The following LMBR1 variants were observed in gnomAD, a reference collection of about 807,000 sequenced individuals.
The protein encoded by LMBR1 is limb region 1 protein homolog.
LMBR1 carries 52 observed loss-of-function variants against 73.9 expected under a neutral mutation model. That is an observed-to-expected ratio of 0.70 (90% confidence interval 0.56 to 0.89). The LOEUF is 0.89. Among genes scored for constraint, LMBR1 ranks in the 40% least tolerant of loss-of-function variants. The pLI, the probability that LMBR1 is intolerant of heterozygous loss-of-function variation, is 0.00. For synonymous variants in LMBR1, 215 were observed against 209.4 expected (o/e 1.03, Z -0.23); for missense variants, 539 against 579.8 (o/e 0.93, Z 0.72).
At chr7:156,847,698 A>G (rs1039076126) in intron 1 of LMBR1, among the ~76,000 whole-genome samples, 1 of 152,230 alleles carries the variant, frequency 6.6e-6, no homozygotes, top group African/African-American at 2.4e-5. Context: ...AACACAAAGT[A>G]AAACAACAAG....
At chr7:156,757,293 A>G (rs980202755) in intron 8 of LMBR1, among the ~76,000 whole-genome samples, 7 of 152,256 alleles carry the variant, frequency 4.6e-5, no homozygotes, top group Admixed American at 3.9e-4. Context: ...AAACTACATC[A>G]GTAACATGCA....
intron 9 of LMBR1, among the ~76,000 whole-genome samples, chr7:156,746,212 T>C (rs544064314): frequency 6.6e-6 from 1 of 152,360 alleles, no homozygotes; most frequent in East Asian, 1.9e-4. Flanking sequence ...CTGTAATTAA[T>C]GCTCATTTAA....
chr7:156,703,843 C>G (rs565880167), intron 15 of LMBR1, among the ~76,000 whole-genome samples: 1 of 152,178 alleles, frequency 6.6e-6, no homozygotes, highest in Non-Finnish European at 1.5e-5. Flanking sequence ...AATCTGCCAC[C>G]TGAGACACCC....
intron 15 of LMBR1, among the ~76,000 whole-genome samples, chr7:156,706,824 C>CA (rs1476032333): frequency 8.7e-5 from 13 of 149,182 alleles, no homozygotes; most frequent in Admixed American, 1.3e-4. Context: ...CAAGGAACTA[C>CA]AAAAGTAACA....
Position 156,855,263 on chromosome 7 carries a change from T to C in LMBR1, c.67-18378A>G, listed in dbSNP as rs574640824. Among the ~76,000 whole-genome samples the C allele has an allele frequency of 1.3e-4, 20 of 152,162 alleles. 1 individual carries two copies. In the South Asian group the frequency reaches 4.1e-3, roughly 32 times the overall value. On this transcript the variant is annotated intron_variant, in intron 1 of 16. Coordinates refer to ENST00000353442, the MANE Select transcript of LMBR1 (RefSeq NM_022458.4). ...GAAATCAAATATACTGTAACAGAAA[T>C]GAAGAATGCTTTAATGAGCTCATCA...
intron 1 of LMBR1, among the ~76,000 whole-genome samples, chr7:156,873,745 T>C (rs1338025432): frequency 1.1e-4 from 16 of 148,036 alleles, no homozygotes; most frequent in South Asian, 4.3e-4. Flanking sequence ...AGGGTGCTGA[T>C]TGGTGTATTT....
intron 5 of LMBR1, among the ~76,000 whole-genome samples, chr7:156,776,928 CTT>C (rs59567598): frequency 1.7e-4 from 24 of 142,452 alleles, no homozygotes; most frequent in Non-Finnish European, 2.2e-4. Flanking sequence ...ATTTTCACAA[CTT>C]TTTTTTTTTT....
chr7:156,729,116 T>C (rs1317251662), intron 10 of LMBR1, among the ~76,000 whole-genome samples: 1 of 152,172 alleles, frequency 6.6e-6, no homozygotes, highest in Non-Finnish European at 1.5e-5. Context: ...CATGGTGAGA[T>C]TACAGGCACG....
Position 156,681,172 on chromosome 7 carries a change from G to A in LMBR1, c.*2906C>T. On this transcript the variant is annotated 3_prime_UTR_variant, in exon 17 of 17. Coordinates refer to ENST00000353442, the MANE Select transcript of LMBR1 (RefSeq NM_022458.4). ...TAGCACATAAGAGCCTGTAAATGAT[G>A]AAAACCTGTGTCCCTGGCAGACGAG... The A allele has an allele frequency of 2.2e-6, 1 of 454,074 alleles. No homozygotes were observed. The highest frequency in any genetic ancestry group is 1.6e-5 in the South Asian group (1 of 64,146). The allele number at this position is 454,074 out of a possible 1,614,324, so 28.1% of individuals were successfully genotyped here.
In LMBR1 at chr7:156,681,307, C is replaced by G. The variant is rs756411300; in HGVS notation, c.*2771G>C. On this transcript the variant is annotated 3_prime_UTR_variant, in exon 17 of 17. Coordinates refer to ENST00000353442, the MANE Select transcript of LMBR1 (RefSeq NM_022458.4). ...CTTTAACACATCTGAGAGCAAAACG[C>G]GAGAGGCTCCGTCCATCTCTACTAA... is the stretch of plus-strand genomic sequence containing the variant. 2.7e-6 allele frequency: 1 copy of G among 372,630 alleles called. No individual in the cohort carries two copies. Among genetic ancestry groups the G allele is most frequent in the Non-Finnish European group, 5.2e-6 (1 of 193,938 alleles). 23.1% of individuals were successfully genotyped at this position (372,630 alleles called of 1,614,324 possible).
At chr7:156,723,132 AGTG>A (rs1415536871) in intron 15 of LMBR1, among the ~76,000 whole-genome samples, 1 of 128,926 alleles carries the variant, frequency 7.8e-6, no homozygotes, top group African/African-American at 3.0e-5. Context: ...CTTATGGAAC[AGTG>A]GTCCCTTTAC....
At chr7:156,817,366 A>G (rs61564002) in intron 4 of LMBR1, among the ~76,000 whole-genome samples, 54,177 of 151,998 alleles carry the variant, frequency 0.36, 9,922 homozygotes, top group East Asian at 0.56. Context: ...ATCAAAAAGC[A>G]ATTTACACAA....
chr7:156,860,995 G>A (rs937738956), intron 1 of LMBR1, among the ~76,000 whole-genome samples: 19 of 152,220 alleles, frequency 1.2e-4, no homozygotes, highest in African/African-American at 4.1e-4. Flanking sequence ...GTCAGTGGAC[G>A]TACCATTCTG....
chr7:156,817,742 C>A (rs919770228), intron 4 of LMBR1, among the ~76,000 whole-genome samples: 4 of 152,106 alleles, frequency 2.6e-5, no homozygotes, highest in Non-Finnish European at 4.4e-5. Context: ...TAAAATCCTA[C>A]AAAAAGTTAA....
chr7:156,761,908 C>T (rs1327428256), intron 8 of LMBR1, among the ~76,000 whole-genome samples: 10 of 145,972 alleles, frequency 6.9e-5, no homozygotes, highest in South Asian at 2.1e-4. Context: ...ACCCAGGGGG[C>T]GGAGCCTGCA....
chr7:156,673,091 A>G (rs957364147), downstream of LMBR1, among the ~76,000 whole-genome samples: 1 of 152,374 alleles, frequency 6.6e-6, no homozygotes, highest in Middle Eastern at 3.4e-3. Context: ...CACCCAGATC[A>G]TATCGATCAT....
At chr7:156,797,681 G>A (rs1038489493) in intron 4 of LMBR1, among the ~76,000 whole-genome samples, 1 of 152,266 alleles carries the variant, frequency 6.6e-6, no homozygotes, top group East Asian at 1.9e-4. Context: ...ATGTCCTTTG[G>A]AATAGCATGG....
intron 3 of LMBR1, among the ~76,000 whole-genome samples, chr7:156,829,394 C>A (rs1393570933): frequency 1.3e-5 from 2 of 152,168 alleles, no homozygotes; most frequent in Admixed American, 1.3e-4. Flanking sequence ...ACAGACCCTA[C>A]AGTAATGAGT....
At chr7:156,871,939 A>C (rs953992827) in intron 1 of LMBR1, 2 of 152,234 alleles carry the variant, frequency 1.3e-5, no homozygotes, top group African/African-American at 4.8e-5. Flanking sequence ...GTCCTACCTA[A>C]AGCAATTAGG....
Sources: gnomAD v4.1 joint callset for allele counts (sites outside exome capture counted in the v4.1 genomes callset) on GRCh38, gnomAD v4.1.1 for gene constraint, MANE v1.5 for transcripts, NCBI Gene and HGNC (gene_info 2026-07-23, HGNC 2026-07-21) for gene names.